NRG1: variants seen among roughly 807,000 people sequenced by gnomAD.
The protein encoded by NRG1 is neuregulin 1, also known as pro-neuregulin-1, membrane-bound isoform.
NRG1 carries 18 observed loss-of-function variants against 63.8 expected under a neutral mutation model. The ratio of observed to expected loss-of-function variants is 0.28; its 90% confidence interval spans 0.19 to 0.42. The LOEUF is 0.42. NRG1 is among the 10% of genes least tolerant of loss of function. The pLI is 1.00. For synonymous variants in NRG1, 302 were observed against 301.3 expected, an observed-to-expected ratio of 1.00 and a Z score of -0.02; for missense variants, 762 against 814.7, an observed-to-expected ratio of 0.94 and a Z score of 0.79.
At chr8:32,740,244 G>A (rs1439199645) in intron 6 of NRG1, among the ~76,000 whole-genome samples, 2 of 126,662 alleles carry the variant, frequency 1.6e-5, no homozygotes, top group African/African-American at 3.1e-5. Context: ...CTCCCAGGCT[G>A]GAGTGCAATG....
At chr8:32,530,241 G>A (rs1316374140) in intron 1 of NRG1, among the ~76,000 whole-genome samples, 1 of 152,052 alleles carries the variant, frequency 6.6e-6, no homozygotes, top group Non-Finnish European at 1.5e-5. Flanking sequence ...CCGAGTAGCT[G>A]GGACTACAGG....
chr8:31,891,986 G>T lies in NRG1; in HGVS notation c.37+252555G>T, dbSNP rs144853369. Among the ~76,000 whole-genome samples, 128 of 152,248 alleles carry T rather than the reference G, an allele frequency of 8.4e-4. 1 individual carries two copies. In the East Asian group the frequency reaches 0.021, roughly 25 times the overall value. ...AAGAACAGATTAGTGGTTGCCAGGG[G>T]TTAAGTAAAGTGGGAGGAAAGTGGT... On this transcript the variant is annotated intron_variant, in intron 1 of 10. Transcript: ENST00000519301.
intron 1 of NRG1, among the ~76,000 whole-genome samples, chr8:32,574,498 G>A (rs1212807856): frequency 6.6e-6 from 1 of 152,118 alleles, no homozygotes; most frequent in African/African-American, 2.4e-5. Flanking sequence ...GGAGGTGACT[G>A]GATCATGGGG....
At chr8:32,008,870 A>C (rs1372139662) in intron 1 of NRG1, among the ~76,000 whole-genome samples, 1 of 152,050 alleles carries the variant, frequency 6.6e-6, no homozygotes, top group African/African-American at 2.4e-5. Flanking sequence ...GTTATTTTCT[A>C]TCACTGTCAT....
At chr8:32,414,257 T>G (rs1815540651) in intron 1 of NRG1, among the ~76,000 whole-genome samples, 1 of 152,156 alleles carries the variant, frequency 6.6e-6, no homozygotes, top group African/African-American at 2.4e-5. Flanking sequence ...CTGTCTGCAT[T>G]ATGGTTATAG....
chr8:32,671,894 T>A (rs937327791), intron 5 of NRG1, among the ~76,000 whole-genome samples: 1 of 152,110 alleles, frequency 6.6e-6, no homozygotes, highest in Non-Finnish European at 1.5e-5. Context: ...AAAGAAAAAG[T>A]CTTCATTTTT....
At chr8:32,694,862 A>G (rs982361316) in intron 5 of NRG1, among the ~76,000 whole-genome samples, 3 of 152,156 alleles carry the variant, frequency 2.0e-5, no homozygotes, top group African/African-American at 7.2e-5. Context: ...CTGAAATCCC[A>G]CAGCGAGGGT....
chr8:31,857,045 A>G (rs1239851207), intron 1 of NRG1, among the ~76,000 whole-genome samples: 2 of 152,198 alleles, frequency 1.3e-5, no homozygotes, highest in East Asian at 1.9e-4. Context: ...TTAAGTCTGC[A>G]GAGGTAACTG....
At chr8:32,453,574 T>C (rs1472429721) in intron 1 of NRG1, among the ~76,000 whole-genome samples, 1 of 152,176 alleles carries the variant, frequency 6.6e-6, no homozygotes, top group Non-Finnish European at 1.5e-5. Context: ...AAACTGTTTA[T>C]AGGAAAGAGT....
intron 6 of NRG1, among the ~76,000 whole-genome samples, chr8:32,737,077 G>A (rs2129031282): frequency 6.6e-6 from 1 of 152,264 alleles, no homozygotes; most frequent in African/African-American, 2.4e-5. Context: ...AGTTTGGTTA[G>A]TAGAATGCAC....
At chr8:32,544,472 A>ATTAT (rs10574242), upstream of NRG1, among the ~76,000 whole-genome samples, 573 of 139,856 alleles carry the variant, frequency 4.1e-3, 3 homozygotes, top group East Asian at 0.01. Flanking sequence ...TGCCTAGCTT[A>ATTAT]TTATTTATTT....
intron 1 of NRG1, among the ~76,000 whole-genome samples, chr8:31,687,258 C>T (rs111903093): frequency 0.019 from 2,955 of 152,138 alleles, 49 homozygotes; most frequent in Middle Eastern, 0.065. Flanking sequence ...TAGACTTGAA[C>T]GAACTAGGTT....
chr8:31,758,051 G>GATTT (rs142445409), intron 1 of NRG1, among the ~76,000 whole-genome samples: 16 of 151,936 alleles, frequency 1.1e-4, no homozygotes, highest in South Asian at 2.1e-4. Flanking sequence ...GTTGTGCCTG[G>GATTT]ATTTATTTAT....
intron 1 of NRG1, among the ~76,000 whole-genome samples, chr8:32,562,536 A>T (rs7833971): frequency 6.6e-6 from 1 of 152,006 alleles, no homozygotes; most frequent in African/African-American, 2.4e-5. Context: ...GGCATGAACC[A>T]CTGTGCCTGG....
At chr8:32,300,188 G>A (rs2129475048) in intron 1 of NRG1, among the ~76,000 whole-genome samples, 1 of 152,010 alleles carries the variant, frequency 6.6e-6, no homozygotes, top group Non-Finnish European at 1.5e-5. Context: ...TAGTCAGAAA[G>A]CTGAAAAAAA....
At chr8:32,221,557 G>C (rs1845815982) in intron 1 of NRG1, among the ~76,000 whole-genome samples, 1 of 152,172 alleles carries the variant, frequency 6.6e-6, no homozygotes, top group Non-Finnish European at 1.5e-5. Flanking sequence ...AAGGACTGTA[G>C]ATTATTACAG....
At chr8:32,323,000 C>A (rs2129476909) in intron 1 of NRG1, among the ~76,000 whole-genome samples, 1 of 152,144 alleles carries the variant, frequency 6.6e-6, no homozygotes, top group East Asian at 1.9e-4. Context: ...GAGGACAACA[C>A]CCAACACCAC....
intron 1 of NRG1, among the ~76,000 whole-genome samples, chr8:32,176,907 G>C (rs938093755): frequency 2.0e-5 from 3 of 152,110 alleles, no homozygotes; most frequent in Admixed American, 1.3e-4. Context: ...AACCACTGTG[G>C]AAGTCAGTGT....
chr8:32,703,738 A>C (rs534921419), intron 5 of NRG1, among the ~76,000 whole-genome samples: 1 of 152,204 alleles, frequency 6.6e-6, no homozygotes, highest in African/African-American at 2.4e-5. Context: ...TGTTCACAAC[A>C]TGTATGGTCT....
Sources: allele counts gnomAD v4.1 joint callset (sites outside exome capture counted in the v4.1 genomes callset), GRCh38; gene constraint gnomAD v4.1.1; transcripts MANE v1.5; gene names NCBI Gene and HGNC (gene_info 2026-07-23, HGNC 2026-07-21).